The following RSPO2 variants were observed in gnomAD, a reference collection of about 807,000 sequenced individuals.
RSPO2 encodes R-spondin-2.
Under a neutral mutation model 30.9 loss-of-function variants are expected in RSPO2, and 14 were observed. The observed-to-expected ratio is 0.45, with a 90% CI of 0.30 to 0.71. The LOEUF (loss-of-function observed/expected upper bound fraction) is 0.71, where lower values mean the gene tolerates loss of function less well. Among genes scored for constraint, RSPO2 ranks in the 30% least tolerant of loss-of-function variants. The pLI, the probability that RSPO2 is intolerant of heterozygous loss-of-function variation, is 0.08. For synonymous variants in RSPO2, 107 were observed against 96.4 expected, an observed-to-expected ratio of 1.11 and a Z score of -0.64; for missense variants, 264 against 301.9, an observed-to-expected ratio of 0.87 and a Z score of 0.93.
At chr8:107,920,099 G>A (rs1812106334) in intron 5 of RSPO2, among the ~76,000 whole-genome samples, 2 of 151,882 alleles carry the variant, frequency 1.3e-5, no homozygotes, top group African/African-American at 2.4e-5. Context: ...AAATCTGGAT[G>A]AGGCAGGTTA....
At chr8:108,077,035 G>A (rs896561507) in intron 2 of RSPO2, among the ~76,000 whole-genome samples, 3 of 152,150 alleles carry the variant, frequency 2.0e-5, no homozygotes, top group Non-Finnish European at 4.4e-5. Flanking sequence ...TTGGCAATGA[G>A]GGGAGTATGA....
chr8:107,937,515 TG>T (rs1812757571), intron 5 of RSPO2, among the ~76,000 whole-genome samples: 1 of 151,886 alleles, frequency 6.6e-6, no homozygotes, highest in Non-Finnish European at 1.5e-5. Flanking sequence ...GTGGTAGTCC[TG>T]GGAAGAAAAT....
At chr8:107,913,237 T>C (rs1254037028) in intron 5 of RSPO2, among the ~76,000 whole-genome samples, 1 of 152,132 alleles carries the variant, frequency 6.6e-6, no homozygotes, top group East Asian at 1.9e-4. Context: ...CTTACATAAA[T>C]ATAATCCTGA....
chr8:108,055,829 C>T lies in RSPO2; in HGVS notation c.94+26716G>A, dbSNP rs530708722. Among the ~76,000 whole-genome samples, 5 of 152,264 alleles carry T rather than the reference C, an allele frequency of 3.3e-5. 1 individual carries two copies. The highest frequency in any genetic ancestry group is 1.2e-4 in the African/African-American group (5 of 41,566). On this transcript the variant is annotated intron_variant, in intron 2 of 5. Transcript: ENST00000276659. ...CAATGGCTCAAGGCAATATGCCCAA[C>T]ATCTCCCACCTACAGAATTATAATT...
intron 2 of RSPO2, among the ~76,000 whole-genome samples, chr8:108,043,071 G>A: frequency 6.6e-6 from 1 of 152,092 alleles, no homozygotes; most frequent in South Asian, 2.1e-4. Context: ...ATGGGGAAGA[G>A]GCATTAAATA....
At chr8:108,037,765 C>T (rs1290934945) in intron 2 of RSPO2, among the ~76,000 whole-genome samples, 1 of 152,152 alleles carries the variant, frequency 6.6e-6, no homozygotes, top group East Asian at 1.9e-4. Context: ...AAAAATTATA[C>T]TAGCTCTACT....
intron 3 of RSPO2, among the ~76,000 whole-genome samples, chr8:107,972,403 C>A (rs146168984): frequency 2.2e-4 from 33 of 152,216 alleles, no homozygotes; most frequent in African/African-American, 6.0e-4. Flanking sequence ...TCCTTGGCCT[C>A]CCAAAGTGCT....
intron 2 of RSPO2, among the ~76,000 whole-genome samples, chr8:107,999,474 G>T (rs577500826): frequency 3.9e-5 from 6 of 152,022 alleles, no homozygotes; most frequent in African/African-American, 1.5e-4. Flanking sequence ...TTACTGTGTC[G>T]CCCAGGTTGG....
At chr8:107,975,619 G>A (rs1175394024) in intron 3 of RSPO2, among the ~76,000 whole-genome samples, 4 of 152,202 alleles carry the variant, frequency 2.6e-5, no homozygotes, top group African/African-American at 4.8e-5. Context: ...CCTACTCTTA[G>A]GGACCCCATG....
chr8:108,058,248 A>G (rs536981729), intron 2 of RSPO2, among the ~76,000 whole-genome samples: 51 of 152,340 alleles, frequency 3.3e-4, no homozygotes, highest in African/African-American at 1.2e-3. Flanking sequence ...CCCATTCACA[A>G]TTGCTTCAAA....
At chr8:107,951,312 G>A (rs561533799) in intron 5 of RSPO2, among the ~76,000 whole-genome samples, 64 of 152,054 alleles carry the variant, frequency 4.2e-4, no homozygotes, top group African/African-American at 1.5e-3. Context: ...TTGTGCTCCC[G>A]TAATGCTGGG....
intron 2 of RSPO2, among the ~76,000 whole-genome samples, chr8:107,997,894 C>A (rs957181944): frequency 6.6e-6 from 1 of 152,116 alleles, no homozygotes; most frequent in African/African-American, 2.4e-5. Flanking sequence ...ATACTCCTGA[C>A]TTTTAAAAAA....
intron 5 of RSPO2, among the ~76,000 whole-genome samples, chr8:107,925,836 G>T (rs1812350782): frequency 6.6e-6 from 1 of 152,272 alleles, no homozygotes. Context: ...CCAAGTCCTT[G>T]CTATTGTGAG....
intron 2 of RSPO2, among the ~76,000 whole-genome samples, chr8:108,059,921 G>A: frequency 6.6e-6 from 1 of 150,542 alleles, no homozygotes; most frequent in African/African-American, 2.5e-5. Flanking sequence ...GTTAATGGGT[G>A]CAGCACACCA....
intron 5 of RSPO2, among the ~76,000 whole-genome samples, chr8:107,907,306 ACCT>A (rs1811679051): frequency 6.6e-6 from 1 of 151,982 alleles, no homozygotes; most frequent in African/African-American, 2.4e-5. Flanking sequence ...CTAGAAATGC[ACCT>A]CTTCTTTTCA....
intron 3 of RSPO2, among the ~76,000 whole-genome samples, chr8:107,987,811 C>T (rs544297489): frequency 1.3e-5 from 2 of 152,294 alleles, no homozygotes; most frequent in South Asian, 2.1e-4. Context: ...GTAATTCAAA[C>T]TCTTCTCATC....
chr8:108,036,566 C>T (rs1811604819), intron 2 of RSPO2, among the ~76,000 whole-genome samples: 1 of 152,210 alleles, frequency 6.6e-6, no homozygotes, highest in East Asian at 1.9e-4. Flanking sequence ...TATACCTTTA[C>T]CCATTTGTCC....
chr8:108,043,950 CA>C (rs1394603609), intron 2 of RSPO2, among the ~76,000 whole-genome samples: 2 of 151,850 alleles, frequency 1.3e-5, no homozygotes, highest in Admixed American at 1.3e-4. Flanking sequence ...AAAGTCAATA[CA>C]AAAGCAATGT....
At chr8:107,958,314 G>T in intron 4 of RSPO2, 46 bp from the exon 5 acceptor site, 1 of 1,483,428 alleles carries the variant, frequency 6.7e-7, no homozygotes, top group Non-Finnish European at 9.3e-7. Context: ...AAGCACATAA[G>T]TTAGTATCCA....
Sources: gnomAD v4.1 joint callset for allele counts (sites outside exome capture counted in the v4.1 genomes callset) on GRCh38, gnomAD v4.1.1 for gene constraint, MANE v1.5 for transcripts, NCBI Gene and HGNC (gene_info 2026-07-23, HGNC 2026-07-21) for gene names.